The following EPB41L1 variants were observed in gnomAD, a reference collection of about 807,000 sequenced individuals.
The protein encoded by EPB41L1 is band 4.1-like protein 1.
EPB41L1 carries 29 observed loss-of-function variants against 97.8 expected under a neutral mutation model. The ratio of observed to expected loss-of-function variants is 0.30; its 90% CI spans 0.22 to 0.40. The LOEUF (loss-of-function observed/expected upper bound fraction) is 0.40, where lower values mean the gene tolerates loss of function less well. EPB41L1 is among the 10% of genes least tolerant of loss of function. The pLI is 1.00. For missense variants in EPB41L1, 812 were observed against 1,162.3 expected (o/e 0.70, Z 4.38); for synonymous variants, 383 against 459.2 (o/e 0.83, Z 2.12).
intron 7 of EPB41L1, among the ~76,000 whole-genome samples, chr20:36,186,092 G>A (rs188795733): frequency 5.9e-5 from 9 of 152,274 alleles, no homozygotes; most frequent in Admixed American, 2.6e-4. Flanking sequence ...AATTCATTGT[G>A]CAGAATGTTC....
At chr20:36,210,177 C>G (rs1395643871) in intron 15 of EPB41L1, among the ~76,000 whole-genome samples, 2 of 152,200 alleles carry the variant, frequency 1.3e-5, no homozygotes, top group African/African-American at 2.4e-5. Flanking sequence ...CCCATGCCCC[C>G]CCACCTGTGT....
chr20:36,165,543 A>G (rs1469674499), intron 1 of EPB41L1, among the ~76,000 whole-genome samples: 1 of 152,098 alleles, frequency 6.6e-6, no homozygotes, highest in Non-Finnish European at 1.5e-5. Context: ...TACTAAAAAT[A>G]CAAAAATTAG....
At chr20:36,105,141 G>A (rs1019781627) in intron 1 of EPB41L1, among the ~76,000 whole-genome samples, 1 of 152,136 alleles carries the variant, frequency 6.6e-6, no homozygotes, top group Non-Finnish European at 1.5e-5. Context: ...AGAAGAGGAG[G>A]CTGTTGCCAA....
chr20:36,206,922 C>T lies in EPB41L1; in HGVS notation c.1669-2566C>T, dbSNP rs887240292. On this transcript the variant is annotated intron_variant, in intron 14 of 21. Coordinates refer to ENST00000338074, the MANE Select transcript of EPB41L1 (RefSeq NM_012156.2). This position sits in a 1 kb window ranked among gnomAD's most constrained non-coding sequence, Gnocchi z 5.5. The stretch of plus-strand genomic sequence containing the variant: ...GCGTGCATCCCGACCCCCAGGCCTG[C>T]GCCCTTCCTCGGGCCATCCCTCTGA... 14 of 1,289,822 alleles carry T rather than the reference C, an allele frequency of 1.1e-5. No homozygotes were observed. Among genetic ancestry groups the T allele is most frequent in the Middle Eastern group, 2.1e-4 (1 of 4,718 alleles). 79.9% of individuals were successfully genotyped at this position (1,289,822 alleles called of 1,614,324 possible).
At chr20:36,105,724 C>T (rs1032023431) in intron 1 of EPB41L1, among the ~76,000 whole-genome samples, 1 of 152,144 alleles carries the variant, frequency 6.6e-6, no homozygotes, top group Admixed American at 6.5e-5. Flanking sequence ...TGCAAATGCC[C>T]CTAGCCCCAG....
intron 21 of EPB41L1, among the ~76,000 whole-genome samples, chr20:36,229,012 C>A (rs981343818): frequency 6.6e-6 from 1 of 151,932 alleles, no homozygotes; most frequent in Non-Finnish European, 1.5e-5. Flanking sequence ...GATGTGGGTT[C>A]GGTTCTCTGC....
chr20:36,172,406 G>C (rs17093407), intron 1 of EPB41L1, among the ~76,000 whole-genome samples: 1,563 of 152,308 alleles, frequency 0.01, 63 homozygotes, highest in Admixed American at 0.075. Context: ...AAAGATAAAA[G>C]TACTTCCAAA....
intron 7 of EPB41L1, among the ~76,000 whole-genome samples, 158 bp from the exon 8 acceptor site, chr20:36,187,518 T>C (rs533079438): frequency 6.6e-6 from 1 of 152,242 alleles, no homozygotes; most frequent in East Asian, 1.9e-4. Context: ...GGAGTTGGGG[T>C]ACACCCTCCT....
chr20:36,124,457 C>T (rs2058881700), intron 2 of EPB41L1, among the ~76,000 whole-genome samples: 1 of 152,174 alleles, frequency 6.6e-6, no homozygotes, highest in African/African-American at 2.4e-5. Flanking sequence ...TTCTATTGGT[C>T]ATTTCCGTCA....
At chr20:36,199,191 G>A (rs937040027) in intron 14 of EPB41L1, among the ~76,000 whole-genome samples, 3 of 151,538 alleles carry the variant, frequency 2.0e-5, no homozygotes, top group African/African-American at 7.3e-5. Context: ...AGTTGAAAGG[G>A]CCCTGGGAAC....
chr20:36,104,985 G>A (rs73097414), intron 1 of EPB41L1, among the ~76,000 whole-genome samples: 1 of 152,224 alleles, frequency 6.6e-6, no homozygotes, highest in Non-Finnish European at 1.5e-5. Context: ...TCTGTTGCTA[G>A]GGTGTGTGCG....
At chr20:36,200,981 A>G (rs902790429) in intron 14 of EPB41L1, 1 of 456,926 alleles carries the variant, frequency 2.2e-6, no homozygotes, top group African/African-American at 2.0e-5. Context: ...TCCTGAGGTT[A>G]CTGTCTTCAC....
In EPB41L1 at chr20:36,115,381, A is replaced by G. The variant is rs187294471; in HGVS notation, c.-10+2901A>G. On this transcript the variant is annotated intron_variant, in intron 2 of 19. Transcript: ENST00000202028. ...CAGAGGCAGCCCAGTTCCAGGTTGC[A>G]CTGCTCTGCCTGTTGGAAAGGGCTT... Among the ~76,000 whole-genome samples, 370 of 152,326 alleles carry G rather than the reference A, an allele frequency of 2.4e-3. 1 individual carries two copies. Among genetic ancestry groups the G allele is most frequent in the Non-Finnish European group, 3.8e-3 (259 of 68,030 alleles).
At chr20:36,143,063 G>A (rs80161449) in intron 2 of EPB41L1, among the ~76,000 whole-genome samples, 2,294 of 152,140 alleles carry the variant, frequency 0.015, 74 homozygotes, top group African/African-American at 0.052. Context: ...AACTCCTGCC[G>A]GTTCCGAGTG....
At chr20:36,153,809 C>T (rs2060157828), upstream of EPB41L1, among the ~76,000 whole-genome samples, 1 of 152,136 alleles carries the variant, frequency 6.6e-6, no homozygotes, top group South Asian at 2.1e-4. Context: ...TCCCCACCTT[C>T]GGATTGTGTG....
chr20:36,191,208 C>A (rs986350401), intron 11 of EPB41L1, among the ~76,000 whole-genome samples: 1 of 152,174 alleles, frequency 6.6e-6, no homozygotes, highest in Non-Finnish European at 1.5e-5. Flanking sequence ...GTGTCCCTTA[C>A]ACTGGTCATC....
chr20:36,109,104 C>T (rs369301696), intron 1 of EPB41L1, among the ~76,000 whole-genome samples: 31 of 152,124 alleles, frequency 2.0e-4, no homozygotes, highest in African/African-American at 5.3e-4. Context: ...CCACCACGCC[C>T]GGCTAATTTT....
chr20:36,176,831 C>G (rs749573092), intron 3 of EPB41L1, among the ~76,000 whole-genome samples: 4 of 151,876 alleles, frequency 2.6e-5, no homozygotes, highest in Non-Finnish European at 4.4e-5. Flanking sequence ...AGGGTTTCAC[C>G]ATGTTGCCCA....
chr20:36,230,691 T>C lies in EPB41L1; in HGVS notation c.*1351T>C, dbSNP rs911079294. On this transcript the variant is annotated 3_prime_UTR_variant, in exon 22 of 22. Coordinates refer to ENST00000338074, the MANE Select transcript of EPB41L1 (RefSeq NM_012156.2). Reference sequence around the variant, plus strand: ...CCAGTCTGGGACTCTGCTGCTGAAGTTGCCACAGTAGAGGTCCCTGGCTTA... The same window carrying C: ...CCAGTCTGGGACTCTGCTGCTGAAGCTGCCACAGTAGAGGTCCCTGGCTTA... 1 of 152,190 alleles carries C rather than the reference T, an allele frequency of 6.6e-6. No individual in the cohort carries two copies. The highest frequency in any genetic ancestry group is 1.5e-5 in the Non-Finnish European group (1 of 68,074). 9.4% of individuals were successfully genotyped at this position (152,190 alleles called of 1,614,324 possible). A position where few individuals can be genotyped will look rare whatever the true frequency, so the allele number is the denominator to read the frequency against.
Sources: gnomAD v4.1 joint callset for allele counts (sites outside exome capture counted in the v4.1 genomes callset) on GRCh38, gnomAD v4.1.1 for gene constraint, Gnocchi (gnomAD v3.1) non-coding constraint, MANE v1.5 for transcripts, NCBI Gene and HGNC (gene_info 2026-07-23, HGNC 2026-07-21) for gene names.